Variants in KIF5C observed in about 807,000 individuals in gnomAD.
KIF5C encodes kinesin heavy chain isoform 5C.
Under a neutral mutation model 125.2 loss-of-function variants are expected in KIF5C, and 18 were observed. The observed-to-expected ratio is 0.14, with a 90% confidence interval of 0.10 to 0.21. The LOEUF (loss-of-function observed/expected upper bound fraction) is 0.21. Among genes scored for constraint, KIF5C ranks in the 10% least tolerant of loss-of-function variants. KIF5C has a pLI of 1.00. For missense variants in KIF5C, 780 were observed against 1,183.8 expected (o/e 0.66, Z 5.01); for synonymous variants, 405 against 434.0 (o/e 0.93, Z 0.83).
At chr2:149,001,058 A>G (rs750367840) in intron 21 of KIF5C, among the ~76,000 whole-genome samples, 3 of 152,224 alleles carry the variant, frequency 2.0e-5, no homozygotes, top group Non-Finnish European at 4.4e-5. Context: ...ACTTTGTGAC[A>G]TACTTCCACT....
intron 23 of KIF5C, among the ~76,000 whole-genome samples, chr2:149,008,961 T>G (rs544757704): frequency 4.6e-4 from 69 of 151,606 alleles, no homozygotes; most frequent in African/African-American, 1.6e-3. Flanking sequence ...TTTTTAAAAT[T>G]TATTTTTATT....
At chr2:148,978,524 G>C (rs1319056388) in intron 12 of KIF5C, among the ~76,000 whole-genome samples, 1 of 151,878 alleles carries the variant, frequency 6.6e-6, no homozygotes, top group African/African-American at 2.4e-5. Flanking sequence ...CAAGATTTGG[G>C]ATAATAACAT....
chr2:148,889,749 A>G (rs1681652067), intron 1 of KIF5C, among the ~76,000 whole-genome samples: 1 of 152,176 alleles, frequency 6.6e-6, no homozygotes, highest in African/African-American at 2.4e-5. Flanking sequence ...TTTGATGGTT[A>G]TGGATACTCA....
intron 11 of KIF5C, among the ~76,000 whole-genome samples, chr2:148,972,717 T>C (rs760366751): frequency 6.6e-6 from 1 of 152,206 alleles, no homozygotes; most frequent in Non-Finnish European, 1.5e-5. Context: ...ATTTGAACTT[T>C]CCAGCAGAGC....
chr2:148,980,101 C>CTGTAACCA lies in KIF5C; in HGVS notation c.1362+1113_1362+1120dup, dbSNP rs1681189559. On this transcript the variant is annotated intron_variant, in intron 13 of 25. Coordinates refer to ENST00000435030, the MANE Select transcript of KIF5C (RefSeq NM_004522.3). ...CAGGCCTCTGTAGGCATAAAGGACTCTGTAACCATTTCCTTCCTCTTTGTT... is the reference window on the plus strand; with the variant it reads ...CAGGCCTCTGTAGGCATAAAGGACTCTGTAACCATGTAACCATTTCCTTCCTCTTTGTT... Among the ~76,000 whole-genome samples, 7 of 152,330 alleles carry CTGTAACCA rather than the reference C, an allele frequency of 4.6e-5. No homozygotes were observed. The South Asian group carries it at 1.5e-3, about 32-fold the overall frequency.
intron 15 of KIF5C, 110 bp downstream of exon 15, chr2:148,983,876 T>C (rs1361531446): frequency 1.6e-6 from 2 of 1,285,098 alleles, no homozygotes; most frequent in East Asian, 2.8e-5. Flanking sequence ...GCATCTGCCA[T>C]GTGCTGGTTA....
chr2:148,934,984 G>T (rs1386670667), intron 3 of KIF5C: 1 of 305,416 alleles, frequency 3.3e-6, no homozygotes, highest in Non-Finnish European at 6.6e-6. Flanking sequence ...CCAGTTTGCT[G>T]CACATAAAGC....
At chr2:148,905,353 G>T (rs909228660) in intron 1 of KIF5C, among the ~76,000 whole-genome samples, 2 of 152,132 alleles carry the variant, frequency 1.3e-5, no homozygotes, top group Non-Finnish European at 2.9e-5. Flanking sequence ...AGAAATTAAA[G>T]AAGTTGGAGA....
chr2:148,897,366 T>C (rs961169967), intron 1 of KIF5C, among the ~76,000 whole-genome samples: 4 of 151,982 alleles, frequency 2.6e-5, no homozygotes, highest in Non-Finnish European at 4.4e-5. Context: ...TGGGAGTTAT[T>C]ATAGCTTCCT....
chr2:148,994,403 CT>C lies in KIF5C; in HGVS notation c.1906-13del. 6 of 1,551,316 alleles carry C rather than the reference CT, an allele frequency of 3.9e-6. No homozygotes were observed. Among genetic ancestry groups the C allele is most frequent in the Middle Eastern group, 3.3e-4 (2 of 5,978 alleles). On this transcript the variant is annotated splice_polypyrimidine_tract_variant and intron_variant, in intron 16 of 25. Transcript: ENST00000435030. ...ACCACTTGCTAGTCATTCACTCTTC[CT>C]TTTTGCTTGTTTAAAGCACGAAGCC...
intron 19 of KIF5C, chr2:148,999,972 C>G (rs1488250394): frequency 6.4e-6 from 1 of 156,290 alleles, no homozygotes; most frequent in East Asian, 1.9e-4. Flanking sequence ...GGAACTGTCC[C>G]TGTATCAGTG....
At chr2:149,007,921 T>TGGGGGGGGG in intron 22 of KIF5C, 42 bp from the exon 23 acceptor site, 1 of 1,275,034 alleles carries the variant, frequency 7.8e-7, no homozygotes, top group Middle Eastern at 2.4e-4. Flanking sequence ...GGAGGGTGGG[T>TGGGGGGGGG]GGGTGACAGC....
At chr2:148,879,521 A>C (rs1681287905) in intron 1 of KIF5C, 1 of 140,584 alleles carries the variant, frequency 7.1e-6, no homozygotes. Context: ...AGAAGAGCTA[A>C]AGATGCTGAT....
chr2:148,918,965 T>C (rs917687899), intron 1 of KIF5C, among the ~76,000 whole-genome samples: 3 of 152,140 alleles, frequency 2.0e-5, no homozygotes. Context: ...GTTTGGGATA[T>C]AGTTTGGATA....
intron 1 of KIF5C, chr2:148,877,956 AT>A (rs1266697278): frequency 6.6e-6 from 1 of 152,232 alleles, no homozygotes. Flanking sequence ...AAGTCACCAT[AT>A]TAAATAAGAA....
intron 1 of KIF5C, among the ~76,000 whole-genome samples, chr2:148,918,917 A>G (rs1471468761): frequency 6.6e-6 from 1 of 152,156 alleles, no homozygotes; most frequent in African/African-American, 2.4e-5. Flanking sequence ...GAAATGATGG[A>G]CTAAGTTTGC....
At chr2:149,022,995 GAATTAAAC>G (rs1440330696) in intron 25 of KIF5C, 75 bp from the exon 26 acceptor site, 5 of 152,106 alleles carry the variant, frequency 3.3e-5, no homozygotes, top group Non-Finnish European at 5.9e-5. Flanking sequence ...TAAACATCTA[GAATTAAAC>G]AAAACTTTTT....
intron 1 of KIF5C, chr2:148,884,001 C>T (rs1222187254): frequency 6.6e-6 from 1 of 152,218 alleles, no homozygotes; most frequent in Non-Finnish European, 1.5e-5. Context: ...TATAGTCTCA[C>T]TTCTCTGCTC....
chr2:148,894,355 A>G lies in KIF5C; in HGVS notation c.126+18612A>G, dbSNP rs542038599. Among the ~76,000 whole-genome samples the G allele has an allele frequency of 1.2e-4, 18 of 152,298 alleles. No homozygotes were observed. In the South Asian group the frequency reaches 3.1e-3, roughly 26 times the overall value. ...TACAAAACACTTTTCTCTTTTTGCA[A>G]CTTGCTAGTCATAAAATTATTTTAA... On this transcript the variant is annotated intron_variant, in intron 1 of 25. Coordinates refer to ENST00000435030, the MANE Select transcript of KIF5C (RefSeq NM_004522.3).
Sources: gnomAD v4.1 joint callset for allele counts (sites outside exome capture counted in the v4.1 genomes callset) on GRCh38, gnomAD v4.1.1 for gene constraint, MANE v1.5 for transcripts, NCBI Gene and HGNC (gene_info 2026-07-23, HGNC 2026-07-21) for gene names.